The following NCAM2 variants were observed in gnomAD, a reference collection of about 807,000 sequenced individuals.
NCAM2 encodes the protein neural cell adhesion molecule 2.
A neutral mutation model predicts 98.1 loss-of-function variants in NCAM2; 30 were observed. The observed-to-expected ratio is 0.31, with a 90% CI of 0.23 to 0.41. The LOEUF is 0.41. NCAM2 is among the 10% of genes least tolerant of loss of function. The pLI is 1.00. For missense variants in NCAM2, 867 were observed against 1,005.8 expected (o/e 0.86, Z 1.87); for synonymous variants, 368 against 342.4 (o/e 1.07, Z -0.83).
chr21:21,450,560 C>T (rs149759948), intron 12 of NCAM2, among the ~76,000 whole-genome samples: 147 of 151,990 alleles, frequency 9.7e-4, no homozygotes, highest in African/African-American at 3.2e-3. Flanking sequence ...AAATTCCTGG[C>T]CTCAAGTGGT....
At chr21:21,177,399 A>AACATACTATT (rs1355472094) in intron 1 of NCAM2, among the ~76,000 whole-genome samples, 2 of 152,084 alleles carry the variant, frequency 1.3e-5, no homozygotes, top group African/African-American at 4.8e-5. Flanking sequence ...GATGTCTAGA[A>AACATACTATT]ACATACTATT....
intron 1 of NCAM2, among the ~76,000 whole-genome samples, chr21:21,049,520 A>T (rs2065064884): frequency 1.3e-5 from 2 of 151,528 alleles, no homozygotes; most frequent in Admixed American, 6.6e-5. Flanking sequence ...TATCACACTG[A>T]CTACTTTTTT....
chr21:21,344,899 A>C (rs1332011984), intron 8 of NCAM2, among the ~76,000 whole-genome samples: 1 of 151,888 alleles, frequency 6.6e-6, no homozygotes, highest in Non-Finnish European at 1.5e-5. Flanking sequence ...TGCTTGTGTC[A>C]CTCTTCTCCC....
At chr21:21,282,332 T>C (rs1276186374) in intron 2 of NCAM2, among the ~76,000 whole-genome samples, 1 of 151,934 alleles carries the variant, frequency 6.6e-6, no homozygotes, top group Admixed American at 6.6e-5. Flanking sequence ...ATTGCATAGC[T>C]CAAATTAAGA....
intron 1 of NCAM2, among the ~76,000 whole-genome samples, chr21:21,241,634 C>T (rs1197673128): frequency 6.6e-6 from 1 of 151,960 alleles, no homozygotes; most frequent in East Asian, 1.9e-4. Flanking sequence ...TTGCCAACTC[C>T]ATTCATGTGA....
chr21:21,348,998 G>A (rs1274435794), intron 8 of NCAM2, among the ~76,000 whole-genome samples: 2 of 152,056 alleles, frequency 1.3e-5, no homozygotes, highest in African/African-American at 4.8e-5. Flanking sequence ...AGAAATCATT[G>A]GGGAAAATCT....
rs1036258053 is a variant in NCAM2 at position 21,542,246 on chromosome 21, A to G, written c.*4289A>G. On this transcript the variant is annotated 3_prime_UTR_variant, in exon 18 of 18. Transcript: ENST00000400546. Reference sequence around the variant, plus strand: ...CCTTTTTGAAAAATTGAATTTACCCATGTAGATGCAGCTATTTACAATTAT... The same window carrying G: ...CCTTTTTGAAAAATTGAATTTACCCGTGTAGATGCAGCTATTTACAATTAT... 1.3e-5 allele frequency: 2 copies of G among 151,826 alleles called. No homozygotes were observed. The highest frequency in any genetic ancestry group is 6.6e-5 in the Admixed American group (1 of 15,200). 9.4% of individuals were successfully genotyped at this position (151,826 alleles called of 1,614,324 possible).
chr21:20,998,891 T>G (rs2063969107), intron 1 of NCAM2, among the ~76,000 whole-genome samples: 2 of 152,106 alleles, frequency 1.3e-5, no homozygotes, highest in African/African-American at 4.8e-5. Flanking sequence ...TTCTTCTTTT[T>G]TTTTCCTCTG....
chr21:21,170,665 T>G (rs1409954145), intron 1 of NCAM2, among the ~76,000 whole-genome samples: 1 of 152,190 alleles, frequency 6.6e-6, no homozygotes, highest in African/African-American at 2.4e-5. Flanking sequence ...ATTACTCTGT[T>G]TGATACTTAA....
chr21:21,247,957 T>TG (rs1469962454), intron 1 of NCAM2, among the ~76,000 whole-genome samples: 1 of 152,154 alleles, frequency 6.6e-6, no homozygotes, highest in African/African-American at 2.4e-5. Flanking sequence ...GAGTTTAAAC[T>TG]GACTTTAAAT....
chr21:21,286,420 T>A lies in NCAM2; in HGVS notation c.481+8T>A. The stretch of plus-strand genomic sequence containing the variant: ...TCACCACTATTTCCGACAGTTAGTA[T>A]TTTGGTAACTCCCTAAGTTATATGT... On this transcript the variant is annotated splice_region_variant and intron_variant, in intron 4 of 17. Transcript: ENST00000400546. 1 of 1,610,978 alleles carries A rather than the reference T, an allele frequency of 6.2e-7. No individual in the cohort carries two copies. The highest frequency in any genetic ancestry group is 8.5e-7 in the Non-Finnish European group (1 of 1,177,968).
chr21:21,340,512 C>T (rs2074997059), intron 8 of NCAM2, among the ~76,000 whole-genome samples: 1 of 151,886 alleles, frequency 6.6e-6, no homozygotes, highest in Non-Finnish European at 1.5e-5. Context: ...TATTAAAAAA[C>T]ACATCTTGTT....
intron 9 of NCAM2, among the ~76,000 whole-genome samples, chr21:21,384,973 T>C (rs2076234093): frequency 1.3e-5 from 2 of 152,084 alleles, no homozygotes; most frequent in African/African-American, 2.4e-5. Context: ...CTCTTTTAGT[T>C]ACACTCCTTT....
chr21:21,216,949 T>G (rs1169562859), intron 1 of NCAM2, among the ~76,000 whole-genome samples: 1 of 150,218 alleles, frequency 6.7e-6, no homozygotes, highest in Non-Finnish European at 1.5e-5. Flanking sequence ...GGTTGAAGTT[T>G]TGTCTGTTAA....
intron 1 of NCAM2, among the ~76,000 whole-genome samples, chr21:21,141,457 T>C (rs191234349): frequency 1.3e-5 from 2 of 152,346 alleles, no homozygotes; most frequent in East Asian, 1.9e-4. Flanking sequence ...ATCAATGATA[T>C]GGTTACCAGT....
chr21:21,249,857 G>T (rs1052924101), intron 1 of NCAM2, among the ~76,000 whole-genome samples: 5 of 152,100 alleles, frequency 3.3e-5, no homozygotes, highest in African/African-American at 1.2e-4. Context: ...TTTTCTATGA[G>T]ATTAGACTGC....
At chr21:21,134,105 G>A (rs2066992307) in intron 1 of NCAM2, among the ~76,000 whole-genome samples, 1 of 142,638 alleles carries the variant, frequency 7.0e-6, no homozygotes, top group Non-Finnish European at 1.5e-5. Flanking sequence ...GTCTCGCTCT[G>A]TCACCCAGGC....
intron 1 of NCAM2, among the ~76,000 whole-genome samples, chr21:20,999,368 A>G (rs1337737840): frequency 1.3e-5 from 2 of 151,764 alleles, no homozygotes; most frequent in Admixed American, 1.3e-4. Context: ...AAAAAAATGA[A>G]TAGCCTGGTA....
chr21:21,227,030 A>G (rs570159721), intron 1 of NCAM2, among the ~76,000 whole-genome samples: 104 of 152,014 alleles, frequency 6.8e-4, no homozygotes, highest in Non-Finnish European at 1.1e-3. Flanking sequence ...TCTATGAACA[A>G]CCTATGGCAA....
Sources: gnomAD v4.1 joint callset for allele counts (sites outside exome capture counted in the v4.1 genomes callset) on GRCh38, gnomAD v4.1.1 for gene constraint, MANE v1.5 for transcripts, NCBI Gene and HGNC (gene_info 2026-07-23, HGNC 2026-07-21) for gene names.